ENPP3: variants seen among roughly 807,000 people sequenced by gnomAD.
ENPP3 encodes the protein ectonucleotide pyrophosphatase/phosphodiesterase family member 3.
In ENPP3, 104 loss-of-function variants were observed where a neutral mutation model predicts 117.8. That is an observed-to-expected ratio of 0.88 (90% CI 0.75 to 1.04). ENPP3 has a LOEUF of 1.04. Among genes scored for constraint, ENPP3 ranks in the 50% least tolerant of loss-of-function variants. The probability of loss-of-function intolerance (pLI) is 0.00; values close to 1 mark genes in which losing one functional copy is unlikely to be tolerated. For missense variants in ENPP3, 1,026 were observed against 1,051.9 expected, an observed-to-expected ratio of 0.98 and a Z score of 0.34; for synonymous variants, 380 against 349.9, an observed-to-expected ratio of 1.09 and a Z score of -0.96.
intron 15 of ENPP3, chr6:131,708,613 G>A: frequency 2.6e-6 from 4 of 1,559,130 alleles, no homozygotes; most frequent in Non-Finnish European, 3.4e-6. Flanking sequence ...GTGTCTTGCT[G>A]TGGTTCTGGA....
chr6:131,666,661 T>C (rs1778622737), intron 6 of ENPP3, among the ~76,000 whole-genome samples: 1 of 152,262 alleles, frequency 6.6e-6, no homozygotes, highest in African/African-American at 2.4e-5. Flanking sequence ...AACGAGCATC[T>C]TTATGACAGT....
chr6:131,654,303 A>ATT (rs11411422), intron 5 of ENPP3, among the ~76,000 whole-genome samples: 8 of 151,578 alleles, frequency 5.3e-5, no homozygotes, highest in African/African-American at 1.7e-4. Flanking sequence ...GCAGCTAAAC[A>ATT]TTTTTTTGTA....
rs568985882 is a variant in ENPP3 at position 131,656,660 on chromosome 6, G to T, written c.465-1663G>T. Among the ~76,000 whole-genome samples, 90 of 152,076 alleles carry T rather than the reference G, an allele frequency of 5.9e-4. 2 individuals are homozygous for T. The highest frequency in any genetic ancestry group is 2.2e-4 in the Non-Finnish European group (15 of 67,998). On this transcript the variant is annotated intron_variant, in intron 5 of 24. Coordinates refer to ENST00000357639, the MANE Select transcript of ENPP3 (RefSeq NM_005021.5). Reference sequence around the variant, plus strand: ...CAGGTGCCTGTAGTCCCAGCTACTCGGGAGGTTGACGCAGGAGAATGGTGT... The same window carrying T: ...CAGGTGCCTGTAGTCCCAGCTACTCTGGAGGTTGACGCAGGAGAATGGTGT...
At position 131,671,060 on chromosome 6, in the gene ENPP3, C is replaced by T. The variant is rs547172745; in HGVS notation, c.563-188C>T. Among the ~76,000 whole-genome samples the T allele has an allele frequency of 3.3e-5, 5 of 152,318 alleles. No individual in the cohort carries two copies. In the East Asian group the frequency reaches 9.6e-4, roughly 29 times the overall value. On this transcript the variant is annotated intron_variant, in intron 6 of 24. Coordinates refer to ENST00000357639, the MANE Select transcript of ENPP3 (RefSeq NM_005021.5). Reference sequence around the variant, plus strand: ...ATACACCTTGATTTAGCTCACTCCTCTCCTAAAAGACTGACATTCCCTGGA... The same window carrying T: ...ATACACCTTGATTTAGCTCACTCCTTTCCTAAAAGACTGACATTCCCTGGA...
intron 2 of ENPP3, among the ~76,000 whole-genome samples, chr6:131,649,798 C>T (rs1193727681): frequency 2.6e-5 from 4 of 152,184 alleles, no homozygotes; most frequent in Non-Finnish European, 5.9e-5. Flanking sequence ...TCAAGTGATT[C>T]TTCTGCCTTG....
At chr6:131,743,030 A>C (rs1310229822) in intron 24 of ENPP3, among the ~76,000 whole-genome samples, 1 of 152,214 alleles carries the variant, frequency 6.6e-6, no homozygotes, top group Non-Finnish European at 1.5e-5. Context: ...TATTAGACAA[A>C]ATGCAATGAG....
chr6:131,695,442 A>G (rs375778817), intron 15 of ENPP3, among the ~76,000 whole-genome samples: 4 of 152,334 alleles, frequency 2.6e-5, no homozygotes, highest in African/African-American at 9.6e-5. Context: ...GTTCATGGCC[A>G]GGCTCCCCAC....
chr6:131,685,197 T>C (rs536421154), intron 12 of ENPP3, among the ~76,000 whole-genome samples, 167 bp from the exon 13 acceptor site: 1 of 152,224 alleles, frequency 6.6e-6, no homozygotes, highest in Non-Finnish European at 1.5e-5. Flanking sequence ...CCTTCTCCAC[T>C]GCCACAATTT....
Position 131,746,787 on chromosome 6 carries a change from A to G in ENPP3, c.2459A>G (p.Glu820Gly). ...HRPTNVESCP[E>G]GKPEALWVEE... is the part of the protein sequence containing the mutation. ...AAGTGTTGTGCTTTTCTTTTTCAGG[A>G]AGGTAAACCAGAAGCTCTTTGGGTT... Residue 820 changes from glutamate (E) to glycine (G), a missense_variant and splice_region_variant, in exon 25 of 25, where the codon GAA becomes GGA. Glu to Gly is a moderately conservative substitution (Grantham distance 98). Coordinates refer to ENST00000357639, the MANE Select transcript of ENPP3 (RefSeq NM_005021.5). 6.3e-7 allele frequency: 1 copy of G among 1,592,184 alleles called. No individual in the cohort carries two copies. The highest frequency in any genetic ancestry group is 8.5e-7 in the Non-Finnish European group (1 of 1,173,832).
chr6:131,673,838 T>G (rs1778804348), intron 7 of ENPP3, among the ~76,000 whole-genome samples: 2 of 152,172 alleles, frequency 1.3e-5, no homozygotes, highest in Non-Finnish European at 2.9e-5. Context: ...GCATGTATAT[T>G]GCATTAGCTA....
At chr6:131,640,342 A>G (rs1434051691) in intron 1 of ENPP3, among the ~76,000 whole-genome samples, 1 of 152,168 alleles carries the variant, frequency 6.6e-6, no homozygotes, top group Non-Finnish European at 1.5e-5. Context: ...TATTTAGTAA[A>G]TGCTTATGTT....
chr6:131,746,070 G>T (rs552338061), intron 24 of ENPP3, among the ~76,000 whole-genome samples: 7 of 151,912 alleles, frequency 4.6e-5, no homozygotes, highest in Non-Finnish European at 8.8e-5. Context: ...CTCCAGCCTG[G>T]GTGACAGAGT....
intron 1 of ENPP3, among the ~76,000 whole-genome samples, chr6:131,638,048 T>A (rs922370579): frequency 6.6e-6 from 1 of 152,174 alleles, no homozygotes; most frequent in African/African-American, 2.4e-5. Context: ...TTTATTACTC[T>A]CTCTTTTCCC....
intron 20 of ENPP3, among the ~76,000 whole-genome samples, chr6:131,729,944 C>T (rs1780240181): frequency 6.6e-6 from 1 of 152,022 alleles, no homozygotes; most frequent in South Asian, 2.1e-4. Context: ...ACTTTGAGAA[C>T]ATGGTAAATA....
chr6:131,722,703 A>T (rs1264576392), intron 18 of ENPP3, among the ~76,000 whole-genome samples: 1 of 152,184 alleles, frequency 6.6e-6, no homozygotes, highest in Admixed American at 6.5e-5. Flanking sequence ...GCTCTCTCCA[A>T]CTTTCCTTAT....
chr6:131,639,758 A>G (rs12663047), intron 1 of ENPP3, among the ~76,000 whole-genome samples: 29,926 of 152,062 alleles, frequency 0.2, 3,203 homozygotes, highest in East Asian at 0.34. Context: ...ATAGTTTAAG[A>G]TACATGTGCA....
Position 131,683,131 on chromosome 6 carries a change from C to G in ENPP3, c.1089C>G (p.Asn363Lys). The G allele has an allele frequency of 1.2e-6, 2 of 1,607,944 alleles. No homozygotes were observed. Among genetic ancestry groups the G allele is most frequent in the Non-Finnish European group, 1.7e-6 (2 of 1,174,564 alleles). The change falls in exon 12 of 25, where the codon AAC becomes AAG. Residue 363 changes from asparagine to lysine, a missense_variant. Asn to Lys is a moderately conservative substitution (Grantham distance 94). Transcript: ENST00000357639. ...MEGLKQRNLH[N>K]CVNIILLADH... Reference sequence around the variant, plus strand: ...GCCTGAAGCAGCGGAATTTGCACAACTGTGTCAATATCATCCTTCTGGCTG... The same window carrying G: ...GCCTGAAGCAGCGGAATTTGCACAAGTGTGTCAATATCATCCTTCTGGCTG...
At position 131,641,435 on chromosome 6, in the gene ENPP3, C is replaced by T. The variant is rs1369486458; in HGVS notation, c.79-20C>T. Reference sequence around the variant, plus strand: ...ATTTTTTAAAAAATTATAAAAGTTACTTTTTCCTTTTTGCAATAGGTTCTT... The same window carrying T: ...ATTTTTTAAAAAATTATAAAAGTTATTTTTTCCTTTTTGCAATAGGTTCTT... On this transcript the variant is annotated intron_variant, in intron 1 of 24. Coordinates refer to ENST00000357639, the MANE Select transcript of ENPP3 (RefSeq NM_005021.5). The T allele has an allele frequency of 6.4e-7, 1 of 1,569,974 alleles. No homozygotes were observed. The highest frequency in any genetic ancestry group is 1.4e-5 in the African/African-American group (1 of 73,874).
chr6:131,644,697 T>C (rs983422601), intron 2 of ENPP3, among the ~76,000 whole-genome samples: 1 of 152,194 alleles, frequency 6.6e-6, no homozygotes, highest in Non-Finnish European at 1.5e-5. Flanking sequence ...AGAATGTAGT[T>C]GAACATATGA....
Sources: allele counts gnomAD v4.1 joint callset (sites outside exome capture counted in the v4.1 genomes callset), GRCh38; gene constraint gnomAD v4.1.1; transcripts MANE v1.5; gene names NCBI Gene and HGNC (gene_info 2026-07-23, HGNC 2026-07-21).